The following TLK1 variants were observed in gnomAD, a reference collection of about 807,000 sequenced individuals.
TLK1 encodes serine/threonine-protein kinase tousled-like 1.
In TLK1, 24 loss-of-function variants were observed where a neutral mutation model predicts 105.3. The ratio of observed to expected loss-of-function variants is 0.23; its 90% CI spans 0.17 to 0.32. The LOEUF is 0.32. Among genes scored for constraint, TLK1 ranks in the 10% least tolerant of loss-of-function variants. The pLI is 1.00. For missense variants in TLK1, 558 were observed against 910.5 expected, an observed-to-expected ratio of 0.61 and a Z score of 4.98; for synonymous variants, 321 against 310.4, an observed-to-expected ratio of 1.03 and a Z score of -0.36.
chr2:171,176,811 C>T lies in TLK1; in HGVS notation c.-6+54334G>A, dbSNP rs188878641. On this transcript the variant is annotated intron_variant, in intron 1 of 20. Transcript: ENST00000521943. ...CATTCTCTGCCTTGCTCACTCTCTG[C>T]TTCACCTCATCGGCCTATTTTTTTT... 1.2e-3 allele frequency among the ~76,000 whole-genome samples: 178 copies of T among 152,088 alleles called. 1 individual carries two copies. The highest frequency in any genetic ancestry group is 4.0e-3 in the African/African-American group (168 of 41,512).
intron 11 of TLK1, among the ~76,000 whole-genome samples, chr2:171,031,754 T>G (rs1438081258): frequency 1.3e-5 from 2 of 152,180 alleles, no homozygotes; most frequent in Non-Finnish European, 2.9e-5. Context: ...CTAAAATAGT[T>G]TAACAGAAAT....
At chr2:171,020,115 A>G (rs1685421807) in intron 12 of TLK1, among the ~76,000 whole-genome samples, 1 of 152,060 alleles carries the variant, frequency 6.6e-6, no homozygotes, top group Non-Finnish European at 1.5e-5. Flanking sequence ...TGTGAATAAT[A>G]TCAATCCCTT....
intron 4 of TLK1, among the ~76,000 whole-genome samples, chr2:171,059,651 A>C (rs1471506335): frequency 6.6e-6 from 1 of 152,106 alleles, no homozygotes; most frequent in African/African-American, 2.4e-5. Flanking sequence ...TCTAGTCCAT[A>C]AGATCAGTAG....
At chr2:171,013,030 C>G (rs1470561750) in intron 13 of TLK1, among the ~76,000 whole-genome samples, 1 of 148,688 alleles carries the variant, frequency 6.7e-6, no homozygotes, top group African/African-American at 2.5e-5. Context: ...TTTTTGGAGA[C>G]AGAGTCTCAC....
intron 20 of TLK1, among the ~76,000 whole-genome samples, chr2:170,994,360 T>TAAAG (rs1175024490): frequency 6.6e-6 from 1 of 152,230 alleles, no homozygotes; most frequent in East Asian, 1.9e-4. Context: ...CCTACTGACA[T>TAAAG]AAAGACTTTC....
At chr2:171,142,365 C>A (rs760762839) in intron 1 of TLK1, among the ~76,000 whole-genome samples, 1 of 152,114 alleles carries the variant, frequency 6.6e-6, no homozygotes, top group Non-Finnish European at 1.5e-5. Context: ...CATGGTCAAA[C>A]TAGTTTATTT....
At position 171,049,761 on chromosome 2, in the gene TLK1, T is replaced by C. The variant is rs1687144349; in HGVS notation, c.980+53A>G. ...ATTACAAATCTATAATCTTTTAAAG[T>C]AATGAAAACCCAAACGAATACTAAA... On this transcript the variant is annotated intron_variant, in intron 10 of 20. Coordinates refer to ENST00000431350, the MANE Select transcript of TLK1 (RefSeq NM_012290.5). 6.2e-6 allele frequency: 10 copies of C among 1,601,190 alleles called. No individual in the cohort carries two copies. In the Admixed American group the frequency reaches 1.5e-4, roughly 25 times the overall value.
At chr2:171,007,175 A>G in intron 14 of TLK1, 112 bp from the exon 15 acceptor site, 1 of 728,732 alleles carries the variant, frequency 1.4e-6, no homozygotes, top group Non-Finnish European at 2.3e-6. Flanking sequence ...GACAAACCCT[A>G]CAATTATTAA....
In TLK1 at chr2:171,168,292, T is replaced by A. The variant is rs549910489; in HGVS notation, c.-5-50435A>T. On this transcript the variant is annotated intron_variant, in intron 1 of 20. Coordinates refer to the TLK1 transcript ENST00000521943. ...CGATACATGGCAAAGGAGACATATA[T>A]AACCTCATATGAATTTAGAAACTTT... Among the ~76,000 whole-genome samples the A allele has an allele frequency of 8.5e-5, 13 of 152,272 alleles. No individual in the cohort carries two copies. In the South Asian group the frequency reaches 2.5e-3, roughly 29 times the overall value.
chr2:171,158,204 T>A (rs1422450663), intron 1 of TLK1, among the ~76,000 whole-genome samples: 1 of 152,156 alleles, frequency 6.6e-6, no homozygotes, highest in Non-Finnish European at 1.5e-5. Context: ...ACTTGCATGC[T>A]GGTTGGTCAA....
chr2:171,134,315 C>G (rs898785320), intron 1 of TLK1, among the ~76,000 whole-genome samples: 16 of 152,266 alleles, frequency 1.1e-4, no homozygotes, highest in African/African-American at 3.6e-4. Flanking sequence ...AGAAATTCCC[C>G]TTACTGTTCT....
intron 12 of TLK1, 59 bp downstream of exon 12, chr2:171,028,280 A>T (rs893764327): frequency 1.4e-5 from 18 of 1,254,486 alleles, no homozygotes; most frequent in Non-Finnish European, 2.1e-5. Flanking sequence ...CTTATAACAC[A>T]ACTTCCCACA....
In TLK1 at chr2:171,180,209, C is replaced by A. The variant is rs544730532; in HGVS notation, c.-6+50936G>T. ...CTGGATGACAGAGCGAGAGCGAGAG[C>A]GAGACTTTGTCTAAAAAAAAAAAAT... On this transcript the variant is annotated intron_variant, in intron 1 of 20. Transcript: ENST00000521943. Among the ~76,000 whole-genome samples the A allele has an allele frequency of 1.3e-5, 2 of 151,158 alleles. 1 individual carries two copies. Among genetic ancestry groups the A allele is most frequent in the South Asian group, 4.2e-4 (2 of 4,760 alleles).
intron 3 of TLK1, among the ~76,000 whole-genome samples, chr2:171,079,261 C>T (rs1040796020): frequency 6.6e-6 from 1 of 152,170 alleles, no homozygotes; most frequent in African/African-American, 2.4e-5. Flanking sequence ...CTTAAAAACT[C>T]GACTATCATC....
chr2:171,070,367 T>C (rs913383716), intron 3 of TLK1, among the ~76,000 whole-genome samples: 1 of 152,170 alleles, frequency 6.6e-6, no homozygotes, highest in African/African-American at 2.4e-5. Flanking sequence ...TAGCAAATAC[T>C]AGGTCTTACT....
intron 1 of TLK1, among the ~76,000 whole-genome samples, chr2:171,188,705 CAAA>C (rs998138338): frequency 2.2e-5 from 1 of 44,642 alleles, no homozygotes; most frequent in Admixed American, 2.7e-4. Flanking sequence ...GACTCTGTCT[CAAA>C]AAAAAAAAAA....
intron 1 of TLK1, among the ~76,000 whole-genome samples, chr2:171,124,926 C>T (rs771642696): frequency 2.0e-5 from 3 of 152,334 alleles, no homozygotes; most frequent in African/African-American, 4.8e-5. Flanking sequence ...GCCGGCTCAT[C>T]AAGAGCCGAG....
chr2:171,042,725 A>G (rs1205303933), intron 11 of TLK1, among the ~76,000 whole-genome samples: 1 of 151,822 alleles, frequency 6.6e-6, no homozygotes, highest in Admixed American at 6.6e-5. Context: ...AAAAAAAAAA[A>G]GGTTAGAGAG....
intron 2 of TLK1, among the ~76,000 whole-genome samples, chr2:171,092,818 T>C (rs1318867615): frequency 6.6e-6 from 1 of 152,074 alleles, no homozygotes; most frequent in Non-Finnish European, 1.5e-5. Context: ...TTAAAGTATA[T>C]GCTAAGGAAA....
Sources: allele counts gnomAD v4.1 joint callset (sites outside exome capture counted in the v4.1 genomes callset), GRCh38; gene constraint gnomAD v4.1.1; transcripts MANE v1.5; gene names NCBI Gene and HGNC (gene_info 2026-07-23, HGNC 2026-07-21).